C1QB: variants seen among roughly 807,000 people sequenced by gnomAD.
C1QB encodes the protein complement C1q subcomponent subunit B.
C1QB carries 2 observed loss-of-function variants against 4.6 expected under a neutral mutation model. The observed-to-expected ratio is 0.43, with a 90% CI of 0.18 to 1.36. The LOEUF (loss-of-function observed/expected upper bound fraction) is 1.36. Ranked by LOEUF, C1QB falls within the 40% of genes most tolerant of loss-of-function variation. C1QB has a pLI of 0.28. For synonymous variants in C1QB, 132 were observed against 137.1 expected (o/e 0.96, Z 0.26); for missense variants, 292 against 338.0 (o/e 0.86, Z 1.07).
In C1QB at chr1:22,659,556, C is replaced by T. The variant is rs200249782; in HGVS notation, c.94C>T (p.Pro32Ser). The change falls in exon 2 of 3, where the codon CCC (proline) becomes TCC (serine). Residue 32 changes from proline (P) to serine (S), a missense_variant. By Grantham distance (74) the Pro-to-Ser change is moderately conservative (BLOSUM62 -1). Coordinates refer to ENST00000509305, the MANE Select transcript of C1QB (RefSeq NM_001378156.1). The part of the protein sequence containing the change: ...ISQAQLSCTG[P>S]PAIPGIPGIP... The stretch of plus-strand genomic sequence containing the variant: ...CCAGGCCCAGCTCAGCTGCACCGGG[C>T]CCCCAGCCATCCCTGGCATCCCGGG... The T allele has an allele frequency of 1.9e-6, 3 of 1,614,010 alleles. No homozygotes were observed. Among genetic ancestry groups the T allele is most frequent in the East Asian group, 4.5e-5 (2 of 44,874 alleles).
At position 22,661,209 on chromosome 1, in the gene C1QB, C is replaced by T. The variant is rs1642617403; in HGVS notation, c.579C>T (p.Val193=). The T allele has an allele frequency of 6.2e-7, 1 of 1,613,922 alleles. No homozygotes were observed. Among genetic ancestry groups the T allele is most frequent in the South Asian group, 1.1e-5 (1 of 91,074 alleles). The change falls in exon 3 of 3, where the codon GTC becomes GTT. Residue 193 remains valine, a synonymous_variant. Transcript: ENST00000509305. ...GCCGGGAGCGTGCACAGAAGGTGGTCACCTTCTGTGACTATGCCTACAACA... is the reference window on the plus strand; with the variant it reads ...GCCGGGAGCGTGCACAGAAGGTGGTTACCTTCTGTGACTATGCCTACAACA... The part of the protein sequence containing the change: ...MRGRERAQKV[V]TFCDYAYNTF...
At chr1:22,659,291 GAGAT>G (rs1642581484) in intron 1 of C1QB, 145 bp from the exon 2 acceptor site, 5 of 527,426 alleles carry the variant, frequency 9.5e-6, no homozygotes, top group East Asian at 8.8e-5. Context: ...GAGGGATAGA[GAGAT>G]GGATGGATGG....
Position 22,659,424 on chromosome 1 carries a change from A to G in C1QB, c.-23-16A>G. 1.2e-6 allele frequency: 2 copies of G among 1,612,734 alleles called. No homozygotes were observed. Among genetic ancestry groups the G allele is most frequent in the East Asian group, 2.2e-5 (1 of 44,858 alleles). On this transcript the variant is annotated splice_polypyrimidine_tract_variant and intron_variant, in intron 1 of 2. Coordinates refer to ENST00000509305, the MANE Select transcript of C1QB (RefSeq NM_001378156.1). Reference sequence around the variant, plus strand: ...GATCACCACGGTGGTAACCTCTCACATTGTCTTCTCCACAGGAGGCGTCTG... The same window carrying G: ...GATCACCACGGTGGTAACCTCTCACGTTGTCTTCTCCACAGGAGGCGTCTG...
At chr1:22,655,489 T>C (rs961995050) in intron 1 of C1QB, among the ~76,000 whole-genome samples, 9 of 152,164 alleles carry the variant, frequency 5.9e-5, no homozygotes. Flanking sequence ...CAGGGAGCCC[T>C]CCACATGCCA....
intron 1 of C1QB, among the ~76,000 whole-genome samples, chr1:22,654,538 A>G (rs1252120625): frequency 6.6e-6 from 1 of 152,208 alleles, no homozygotes; most frequent in Non-Finnish European, 1.5e-5. Flanking sequence ...AGTGATAATA[A>G]TAAAATAGCT....
chr1:22,656,594 C>A (rs1642534666), intron 1 of C1QB, among the ~76,000 whole-genome samples: 1 of 152,170 alleles, frequency 6.6e-6, no homozygotes, highest in Non-Finnish European at 1.5e-5. Context: ...TTTTCCTCTG[C>A]TCTCACACCA....
chr1:22,661,344 C>T lies in C1QB; in HGVS notation c.714C>T (p.Ser238=). 1 of 1,614,038 alleles carries T rather than the reference C, an allele frequency of 6.2e-7. No homozygotes were observed. The highest frequency in any genetic ancestry group is 1.1e-5 in the South Asian group (1 of 91,076). ...TACTGGGCATGGAGGGTGCCAACAGCATCTTTTCCGGGTTCCTGCTCTTTC... is the reference window on the plus strand; with the variant it reads ...TACTGGGCATGGAGGGTGCCAACAGTATCTTTTCCGGGTTCCTGCTCTTTC... ...NSLLGMEGAN[S]IFSGFLLFPD... is the part of the protein sequence containing the mutation. The change falls in exon 3 of 3, where the codon AGC becomes AGT. Residue 238 remains serine, a synonymous_variant. Transcript: ENST00000509305.
chr1:22,659,354 GGA>G, intron 1 of C1QB, 84 bp from the exon 2 acceptor site: 1 of 870,890 alleles, frequency 1.1e-6, no homozygotes, highest in Non-Finnish European at 1.8e-6. Context: ...AGAGATGGAT[GGA>G]TGGATGGATG....
chr1:22,658,215 C>T (rs151059334), intron 1 of C1QB, among the ~76,000 whole-genome samples: 1 of 152,326 alleles, frequency 6.6e-6, no homozygotes, highest in African/African-American at 2.4e-5. Flanking sequence ...TGCTTCCTGT[C>T]ACTTGAACTC....
intron 2 of C1QB, 60 bp downstream of exon 2, chr1:22,659,703 C>A: frequency 6.5e-7 from 1 of 1,547,802 alleles, no homozygotes; most frequent in South Asian, 1.2e-5. Flanking sequence ...CTCCTGCCTC[C>A]CAAGTCACAG....
intron 1 of C1QB, among the ~76,000 whole-genome samples, chr1:22,653,638 G>GC (rs796352230): frequency 2.0e-5 from 3 of 152,134 alleles, no homozygotes; most frequent in African/African-American, 7.2e-5. Flanking sequence ...TCTCAGCCCG[G>GC]CCCCCCTACA....
In C1QB at chr1:22,661,437, C is replaced by T. The variant is rs1557613378; in HGVS notation, c.*51C>T. The T allele has an allele frequency of 7.5e-6, 12 of 1,604,554 alleles. No individual in the cohort carries two copies. Among genetic ancestry groups the T allele is most frequent in the Non-Finnish European group, 6.8e-6 (8 of 1,172,994 alleles). ...CGGCTCCCCCTGCCAGCAACGCTCA[C>T]TCTACCCCCAACACCACCCCTTGCC... On this transcript the variant is annotated 3_prime_UTR_variant, in exon 3 of 3. Coordinates refer to ENST00000509305, the MANE Select transcript of C1QB (RefSeq NM_001378156.1).
chr1:22,657,667 T>A (rs1642548634), intron 1 of C1QB, among the ~76,000 whole-genome samples: 1 of 152,132 alleles, frequency 6.6e-6, no homozygotes. Context: ...TAGATGGAAG[T>A]GAGGGTTGCA....
chr1:22,658,333 C>T (rs1642556805), intron 1 of C1QB, among the ~76,000 whole-genome samples: 1 of 152,172 alleles, frequency 6.6e-6, no homozygotes, highest in South Asian at 2.1e-4. Flanking sequence ...ATTCTTGCCC[C>T]CACCTTTTCT....
chr1:22,657,868 G>A (rs1336644132), intron 1 of C1QB, among the ~76,000 whole-genome samples: 5 of 152,148 alleles, frequency 3.3e-5, no homozygotes, highest in African/African-American at 4.8e-5. Context: ...ACAGCCCACC[G>A]GCTTCTTCCT....
rs774987553 is a variant in C1QB at position 22,661,428 on chromosome 1, C to A, written c.*42C>A. Reference sequence around the variant, plus strand: ...CATCCACCCCGGCTCCCCCTGCCAGCAACGCTCACTCTACCCCCAACACCA... The same window carrying A: ...CATCCACCCCGGCTCCCCCTGCCAGAAACGCTCACTCTACCCCCAACACCA... On this transcript the variant is annotated 3_prime_UTR_variant, in exon 3 of 3. Coordinates refer to ENST00000509305, the MANE Select transcript of C1QB (RefSeq NM_001378156.1). The A allele has an allele frequency of 1.2e-6, 2 of 1,609,270 alleles. No homozygotes were observed. Among genetic ancestry groups the A allele is most frequent in the Non-Finnish European group, 1.7e-6 (2 of 1,176,646 alleles).
At chr1:22,659,214 AGATG>A (rs1489262567) in intron 1 of C1QB, among the ~76,000 whole-genome samples, 12 of 116,072 alleles carry the variant, frequency 1.0e-4, no homozygotes, top group African/African-American at 2.4e-4. Flanking sequence ...AGGGATAGAG[AGATG>A]GATGGATGGA....
At position 22,661,308 on chromosome 1, in the gene C1QB, C is replaced by T; in HGVS notation, c.678C>T (p.Asp226=). The part of the protein sequence containing the change: ...QGENVFLQAT[D]KNSLLGMEGA... ...AGAACGTCTTCCTGCAGGCCACCGA[C>T]AAGAACTCACTACTGGGCATGGAGG... The change falls in exon 3 of 3, where the codon GAC becomes GAT. Residue 226 remains aspartate (D), a synonymous_variant. Coordinates refer to ENST00000509305, the MANE Select transcript of C1QB (RefSeq NM_001378156.1). 6.2e-7 allele frequency: 1 copy of T among 1,614,050 alleles called. No individual in the cohort carries two copies. Among genetic ancestry groups the T allele is most frequent in the South Asian group, 1.1e-5 (1 of 91,066 alleles).
rs376737563 is a variant in C1QB at position 22,661,056 on chromosome 1, C to G, written c.426C>G (p.His142Gln). The G allele has an allele frequency of 6.2e-7, 1 of 1,614,144 alleles. No individual in the cohort carries two copies. Among genetic ancestry groups the G allele is most frequent in the Non-Finnish European group, 8.5e-7 (1 of 1,180,028 alleles). Residue 142 changes from histidine (H) to glutamine (Q), a missense_variant, in exon 3 of 3, where the codon CAC becomes CAG. By Grantham distance (24) the His-to-Gln change is conservative. Coordinates refer to ENST00000509305, the MANE Select transcript of C1QB (RefSeq NM_001378156.1). ...GGGACCAGACCATCCGCTTCGACCA[C>G]GTGATCACCAACATGAACAACAATT... ...LRRDQTIRFDHVITNMNNNYE... is the reference protein window; with the variant it reads ...LRRDQTIRFDQVITNMNNNYE...
Sources: gnomAD v4.1 joint callset for allele counts (sites outside exome capture counted in the v4.1 genomes callset) on GRCh38, gnomAD v4.1.1 for gene constraint, MANE v1.5 for transcripts, NCBI Gene and HGNC (gene_info 2026-07-23, HGNC 2026-07-21) for gene names.